Variants in TARS1 observed in about 807,000 individuals in gnomAD.
TARS1 encodes threonine--tRNA ligase 1, cytoplasmic.
A neutral mutation model predicts 97.7 loss-of-function variants in TARS1; 57 were observed. The ratio of observed to expected loss-of-function variants is 0.58; its 90% CI spans 0.47 to 0.73. TARS1 has a LOEUF of 0.73. Among genes scored for constraint, TARS1 ranks in the 30% least tolerant of loss-of-function variants. TARS1 has a pLI of 0.00. For synonymous variants in TARS1, 312 were observed against 293.7 expected, an observed-to-expected ratio of 1.06 and a Z score of -0.64; for missense variants, 806 against 888.3, an observed-to-expected ratio of 0.91 and a Z score of 1.18.
rs149326423 is a variant in TARS1, at chr5:33,461,091, TAGAA to T, written c.1413+32_1413+35del. 2.3e-3 allele frequency: 3,737 copies of T among 1,608,408 alleles called. 82 individuals are homozygous for T. In the African/African-American group the frequency reaches 0.045, roughly 19 times the overall value. Reference sequence around the variant, plus strand: ...TATGAGACCCTGGGAATAAAATACTTAGAAAGAAGAGTCAAGAAAGTCAAGGAAA... The same window carrying T: ...TATGAGACCCTGGGAATAAAATACTTAGAAGAGTCAAGAAAGTCAAGGAAA... On this transcript the variant is annotated intron_variant, in intron 12 of 18. Transcript: ENST00000265112.
chr5:33,457,418 A>G lies in TARS1; in HGVS notation c.984+15A>G. ...AAATTGGCAGGGTATGTTCAAGAAC[A>G]ATGATGTGTCTTGACTGAGTTTTCT... is the stretch of plus-strand genomic sequence containing the variant. On this transcript the variant is annotated intron_variant, in intron 9 of 18. Coordinates refer to ENST00000265112, the MANE Select transcript of TARS1 (RefSeq NM_152295.5). 6.2e-7 allele frequency: 1 copy of G among 1,613,360 alleles called. No homozygotes were observed. The highest frequency in any genetic ancestry group is 1.1e-5 in the South Asian group (1 of 90,974).
At chr5:33,444,712 T>C (rs1741320851) in intron 1 of TARS1, among the ~76,000 whole-genome samples, 1 of 152,240 alleles carries the variant, frequency 6.6e-6, no homozygotes, top group African/African-American at 2.4e-5. Flanking sequence ...AGGACACATT[T>C]CCTGTATTCT....
chr5:33,465,040 T>C (rs1313208090), intron 17 of TARS1, among the ~76,000 whole-genome samples: 1 of 152,042 alleles, frequency 6.6e-6, no homozygotes, highest in Non-Finnish European at 1.5e-5. Flanking sequence ...CACTCCAGCC[T>C]GGGTGACAGA....
At chr5:33,460,690 A>G (rs542669661) in intron 11 of TARS1, among the ~76,000 whole-genome samples, 1 of 152,288 alleles carries the variant, frequency 6.6e-6, no homozygotes, top group East Asian at 1.9e-4. Flanking sequence ...ACGTTTTTTA[A>G]TTCTTCACTG....
At chr5:33,448,837 A>G (rs1251117550) in intron 3 of TARS1, 106 bp downstream of exon 3, 2 of 958,600 alleles carry the variant, frequency 2.1e-6, no homozygotes, top group Non-Finnish European at 2.9e-6. Context: ...GTTACCATTC[A>G]GTGTTTTTAA....
At chr5:33,455,790 T>A in intron 6 of TARS1, 86 bp downstream of exon 6, 1 of 1,060,192 alleles carries the variant, frequency 9.4e-7, no homozygotes, top group Non-Finnish European at 1.4e-6. Context: ...TTCCGTGTAC[T>A]AAGCTGAAGT....
At chr5:33,467,192 A>G (rs915113983) in intron 18 of TARS1, among the ~76,000 whole-genome samples, 1 of 150,220 alleles carries the variant, frequency 6.7e-6, no homozygotes, top group Non-Finnish European at 1.5e-5. Context: ...CACTTAAATC[A>G]TGGATGTCTG....
chr5:33,458,588 A>G lies in TARS1; in HGVS notation c.1007A>G (p.His336Arg), dbSNP rs1033602271. 1 of 1,613,360 alleles carries G rather than the reference A, an allele frequency of 6.2e-7. No individual in the cohort carries two copies. The highest frequency in any genetic ancestry group is 8.5e-7 in the Non-Finnish European group (1 of 1,179,674). The change falls in exon 10 of 19, where the codon CAT becomes CGT. Residue 336 changes from histidine to arginine, a missense_variant. Physicochemically the swap from His to Arg is conservative, Grantham distance 29. Transcript: ENST00000265112. ...IGRDQELYFFHELSPGSCFFL... is the reference protein window; with the variant it reads ...IGRDQELYFFRELSPGSCFFL... ...CAGGACCAAGAACTATATTTCTTTC[A>G]TGAACTCAGCCCTGGAAGTTGCTTT... is the stretch of plus-strand genomic sequence containing the variant.
intron 3 of TARS1, 119 bp downstream of exon 3, chr5:33,448,850 T>A (rs1741561145): frequency 2.4e-6 from 2 of 822,588 alleles, no homozygotes; most frequent in Non-Finnish European, 3.4e-6. Context: ...GTTTTTAATC[T>A]GTTTAATTTT....
rs1742597848 is a variant in TARS1 at position 33,467,634 on chromosome 5, A to G, written c.2098A>G (p.Thr700Ala). The change falls in exon 19 of 19, where the codon ACC becomes GCC. Residue 700 changes from threonine to alanine, a missense_variant. This residue lies in a region of TARS1 where 446 missense variants were observed against 511.0 expected (regional missense o/e 0.87). Coordinates refer to ENST00000265112, the MANE Select transcript of TARS1 (RefSeq NM_152295.5). Reference protein sequence around the residue: ...TRDNKVHGERTISETIERLQQ... With the variant: ...TRDNKVHGERAISETIERLQQ... ...AGACAATAAGGTCCACGGGGAACGC[A>G]CCATTTCTGAAACTATCGAGCGGCT... is the stretch of plus-strand genomic sequence containing the variant. 1 of 1,614,052 alleles carries G rather than the reference A, an allele frequency of 6.2e-7. No homozygotes were observed. Among genetic ancestry groups the G allele is most frequent in the Non-Finnish European group, 8.5e-7 (1 of 1,179,980 alleles).
At position 33,445,409 on chromosome 5, in the gene TARS1, AAGTT is replaced by A; in HGVS notation, c.138+7_138+10del. ...GGAGATGGAGGTCGAGCTGAGGTAA[AAGTT>A]ATCATCACAGAGGGCTCTGTTATCA... On this transcript the variant is annotated splice_donor_region_variant and intron_variant, in intron 2 of 18. Transcript: ENST00000265112. 2 of 1,612,396 alleles carry A rather than the reference AAGTT, an allele frequency of 1.2e-6. No individual in the cohort carries two copies. The highest frequency in any genetic ancestry group is 4.5e-5 in the East Asian group (2 of 44,812).
Position 33,460,922 on chromosome 5 carries a change from C to A in TARS1, c.1271C>A (p.Pro424Gln), listed in dbSNP as rs145335131. 1 of 1,614,002 alleles carries A rather than the reference C, an allele frequency of 6.2e-7. No homozygotes were observed. The highest frequency in any genetic ancestry group is 1.3e-5 in the African/African-American group (1 of 74,910). The part of the protein sequence containing the change: ...PGHCLMFDHR[P>Q]RSWRELPLRL... ...TTCAGCCTTATGTTTGATCATCGGC[C>A]AAGGTCCTGGCGAGAACTGCCTCTG... The change falls in exon 12 of 19, where the codon CCA (proline) becomes CAA (glutamine). Residue 424 changes from proline (P) to glutamine (Q), a missense_variant. Pro to Gln is a moderately conservative substitution (Grantham distance 76). This residue lies in a region of TARS1 where 446 missense variants were observed against 511.0 expected (regional missense o/e 0.87). Transcript: ENST00000265112.
At chr5:33,463,887 A>C in intron 17 of TARS1, 62 bp downstream of exon 17, 1 of 1,409,310 alleles carries the variant, frequency 7.1e-7, no homozygotes, top group South Asian at 1.2e-5. Context: ...TTCAAATCAC[A>C]TAAGCCCTGT....
chr5:33,447,801 A>G (rs776636429), intron 2 of TARS1, among the ~76,000 whole-genome samples: 1 of 152,246 alleles, frequency 6.6e-6, no homozygotes, highest in Non-Finnish European at 1.5e-5. Context: ...TTTGAAGATG[A>G]TGAATGCTGT....
intron 4 of TARS1, 102 bp downstream of exon 4, chr5:33,453,514 T>C: frequency 7.2e-7 from 1 of 1,381,152 alleles, no homozygotes; most frequent in South Asian, 1.3e-5. Context: ...ACATTTATTG[T>C]TGTCTCACTG....
In TARS1 at chr5:33,459,099, T is replaced by TA. The variant is rs1017801228; in HGVS notation, c.1083+445dup. Among the ~76,000 whole-genome samples the TA allele has an allele frequency of 1.4e-4, 21 of 150,426 alleles. No individual in the cohort carries two copies. The East Asian group carries it at 2.1e-3, about 15-fold the overall frequency. Reference sequence around the variant, plus strand: ...CTTGAGATTTTTTCATTCATGATATTAAAAAAAAAATTAGTTGTTTAAAAA... The same window carrying TA: ...CTTGAGATTTTTTCATTCATGATATTAAAAAAAAAAATTAGTTGTTTAAAAA... On this transcript the variant is annotated intron_variant, in intron 10 of 18. Transcript: ENST00000265112.
chr5:33,461,270 T>C lies in TARS1; in HGVS notation c.1526T>C (p.Ile509Thr), dbSNP rs138597675. Residue 509 changes from isoleucine to threonine, a missense_variant, in exon 13 of 19, where the codon ATC becomes ACC. Physicochemically the swap from Ile to Thr is moderately conservative, Grantham distance 89 (BLOSUM62 -1). This residue lies in a region of TARS1 where 446 missense variants were observed against 511.0 expected (regional missense o/e 0.87). Coordinates refer to ENST00000265112, the MANE Select transcript of TARS1 (RefSeq NM_152295.5). ...CGCCCGGAAAAATTCCTTGGAGATA[T>C]CGAAGTATGGGATCAAGCTGAGAAA... is the stretch of plus-strand genomic sequence containing the variant. ...STRPEKFLGD[I>T]EVWDQAEKQL... 1.9e-5 allele frequency: 30 copies of C among 1,613,152 alleles called. No homozygotes were observed. Among genetic ancestry groups the C allele is most frequent in the South Asian group, 6.6e-5 (6 of 90,758 alleles).
At chr5:33,442,428 C>T (rs546679723) in intron 1 of TARS1, among the ~76,000 whole-genome samples, 3 of 142,356 alleles carry the variant, frequency 2.1e-5, no homozygotes, top group Non-Finnish European at 4.5e-5. Flanking sequence ...GTATGGTTAA[C>T]ACATATGTAA....
chr5:33,452,454 C>T, intron 3 of TARS1: 2 of 1,529,210 alleles, frequency 1.3e-6, no homozygotes, highest in African/African-American at 1.4e-5. Context: ...GTGCTTTATC[C>T]TCAAAGCCTT....
Sources: allele counts gnomAD v4.1 joint callset (sites outside exome capture counted in the v4.1 genomes callset), GRCh38; gene constraint gnomAD v4.1.1; regional missense constraint gnomAD v4.1.1; transcripts MANE v1.5; gene names NCBI Gene and HGNC (gene_info 2026-07-23, HGNC 2026-07-21).